CCDC85A: variants seen among roughly 807,000 people sequenced by gnomAD.
CCDC85A encodes coiled-coil domain containing 85A, also known as coiled-coil domain-containing protein 85A.
Under a neutral mutation model 50.2 loss-of-function variants are expected in CCDC85A, and 38 were observed. That is an observed-to-expected ratio of 0.76 (90% CI 0.58 to 0.99). The LOEUF (loss-of-function observed/expected upper bound fraction) is 0.99, where lower values mean the gene tolerates loss of function less well. Among genes scored for constraint, CCDC85A ranks in the 50% least tolerant of loss-of-function variants. CCDC85A has a pLI of 0.00. For synonymous variants in CCDC85A, 366 were observed against 301.4 expected, an observed-to-expected ratio of 1.21 and a Z score of -2.22; for missense variants, 820 against 742.0, an observed-to-expected ratio of 1.11 and a Z score of -1.22.
intron 5 of CCDC85A, chr2:56,383,441 T>C (rs1676685665): frequency 4.8e-6 from 1 of 206,586 alleles, no homozygotes; most frequent in Non-Finnish European, 8.5e-6. Context: ...TCAATGTTAG[T>C]GTATTGATGT....
intron 2 of CCDC85A, among the ~76,000 whole-genome samples, chr2:56,314,523 C>G (rs534063800): frequency 3.3e-5 from 5 of 152,210 alleles, no homozygotes; most frequent in South Asian, 2.1e-4. Context: ...GTTCCCCCAT[C>G]ATTGCCAAGA....
At chr2:56,355,546 T>G (rs1675181514) in intron 3 of CCDC85A, among the ~76,000 whole-genome samples, 1 of 152,216 alleles carries the variant, frequency 6.6e-6, no homozygotes, top group Non-Finnish European at 1.5e-5. Context: ...GAATTTTTTT[T>G]CTCTTTACGA....
intron 3 of CCDC85A, among the ~76,000 whole-genome samples, chr2:56,358,728 A>G (rs918400989): frequency 1.3e-5 from 2 of 152,042 alleles, no homozygotes; most frequent in African/African-American, 4.8e-5. Flanking sequence ...CCTGCTTTAC[A>G]CTAAAATAAT....
At position 56,297,388 on chromosome 2, in the gene CCDC85A, C is replaced by T. The variant is rs190458929; in HGVS notation, c.1241-45491C>T. 6.9e-4 allele frequency among the ~76,000 whole-genome samples: 97 copies of T among 139,720 alleles called. No individual in the cohort carries two copies. The East Asian group carries it at 0.017, about 24-fold the overall frequency. The allele number at this position is 139,720 out of a possible 152,430, so 91.7% of individuals were successfully genotyped here. A position where few individuals can be genotyped will look rare whatever the true frequency, so the allele number is the denominator to read the frequency against. ...GGATCTTTGGATACTAGTCTTTGTA[C>T]GAGCCTTTTTTTTTTTTTTTAATTG... On this transcript the variant is annotated intron_variant, in intron 2 of 5. Coordinates refer to ENST00000407595, the MANE Select transcript of CCDC85A (RefSeq NM_001080433.2).
chr2:56,285,101 C>CT (rs1296011376), intron 2 of CCDC85A, among the ~76,000 whole-genome samples: 103 of 144,970 alleles, frequency 7.1e-4, no homozygotes, highest in South Asian at 3.3e-3. Flanking sequence ...TCTTTTCTTT[C>CT]TTTTTTTTTT....
chr2:56,234,989 T>G (rs898605736), intron 2 of CCDC85A, among the ~76,000 whole-genome samples: 3 of 152,204 alleles, frequency 2.0e-5, no homozygotes, highest in African/African-American at 4.8e-5. Flanking sequence ...AAAAACAGTT[T>G]ACTAAAATCA....
chr2:56,302,241 G>A (rs887905397), intron 2 of CCDC85A, among the ~76,000 whole-genome samples: 1 of 152,142 alleles, frequency 6.6e-6, no homozygotes, highest in Admixed American at 6.6e-5. Context: ...AGATGACAGA[G>A]TGAGACTCCA....
Position 56,305,967 on chromosome 2 carries a change from C to T in CCDC85A, c.1241-36912C>T, listed in dbSNP as rs114393405. Among the ~76,000 whole-genome samples the T allele has an allele frequency of 2.5e-3, 380 of 152,260 alleles. 1 individual carries two copies. The highest frequency in any genetic ancestry group is 4.1e-3 in the Non-Finnish European group (277 of 68,012). On this transcript the variant is annotated intron_variant, in intron 2 of 5. Coordinates refer to ENST00000407595, the MANE Select transcript of CCDC85A (RefSeq NM_001080433.2). ...TAAATTCACTCCAAGAAGTGATTCT[C>T]TTGTCTCTTGCTCTCTTCCTTCTTT...
At chr2:56,358,969 T>TGTA (rs11430925) in intron 3 of CCDC85A, among the ~76,000 whole-genome samples, 88,721 of 145,906 alleles carry the variant, frequency 0.61, 28,266 homozygotes, top group East Asian at 0.82. Flanking sequence ...GTATTTTTTT[T>TGTA]TTTTTTTTTT....
At chr2:56,246,434 A>C (rs904465556) in intron 2 of CCDC85A, among the ~76,000 whole-genome samples, 9 of 151,976 alleles carry the variant, frequency 5.9e-5, no homozygotes, top group South Asian at 2.1e-4. Context: ...TAAAAAAAAA[A>C]CCCCACATAA....
intron 2 of CCDC85A, among the ~76,000 whole-genome samples, chr2:56,234,265 T>C (rs1295133111): frequency 1.3e-5 from 2 of 152,168 alleles, no homozygotes; most frequent in Admixed American, 6.5e-5. Context: ...GATCATGCCA[T>C]GTATCATGGG....
intron 3 of CCDC85A, among the ~76,000 whole-genome samples, chr2:56,345,874 G>T (rs1291605064): frequency 6.6e-6 from 1 of 152,182 alleles, no homozygotes; most frequent in Non-Finnish European, 1.5e-5. Flanking sequence ...TGACATCCTA[G>T]CCTAAGTTAA....
chr2:56,242,557 C>A (rs1355947529), intron 2 of CCDC85A, among the ~76,000 whole-genome samples: 2 of 152,118 alleles, frequency 1.3e-5, no homozygotes, highest in African/African-American at 4.8e-5. Context: ...ATGGCCTAAG[C>A]AATTCATGAG....
At chr2:56,305,262 T>C (rs1672391644) in intron 2 of CCDC85A, among the ~76,000 whole-genome samples, 2 of 152,342 alleles carry the variant, frequency 1.3e-5, no homozygotes, top group Middle Eastern at 3.4e-3. Context: ...GGCTAGTGTT[T>C]ACTGAACAGT....
At position 56,192,485 on chromosome 2, in the gene CCDC85A, C is replaced by T. The variant is rs1408372970; in HGVS notation, c.285C>T (p.Asn95=). Reference sequence around the variant, plus strand: ...TGTGTCTCTCTTTTCAGGATATCAACCAGAAACTCCAGGAAGACAACCAGG... The same window carrying T: ...TGTGTCTCTCTTTTCAGGATATCAATCAGAAACTCCAGGAAGACAACCAGG... The part of the protein sequence containing the change: ...LGEIRGLKDI[N]QKLQEDNQEL... Residue 95 remains asparagine, a synonymous_variant, in exon 2 of 6, where the codon AAC becomes AAT. Coordinates refer to ENST00000407595, the MANE Select transcript of CCDC85A (RefSeq NM_001080433.2). This position sits in a 1 kb window ranked among gnomAD's most constrained non-coding sequence, Gnocchi z 4.7. 1.2e-6 allele frequency: 2 copies of T among 1,609,150 alleles called. No individual in the cohort carries two copies. Among genetic ancestry groups the T allele is most frequent in the Non-Finnish European group, 1.7e-6 (2 of 1,177,604 alleles).
chr2:56,217,457 T>C (rs1668119387), intron 2 of CCDC85A, among the ~76,000 whole-genome samples: 1 of 151,940 alleles, frequency 6.6e-6, no homozygotes, highest in Non-Finnish European at 1.5e-5. Flanking sequence ...TTTTTATTGG[T>C]TTTGAAGGAG....
At chr2:56,273,668 A>G (rs2104072157) in intron 2 of CCDC85A, among the ~76,000 whole-genome samples, 1 of 148,962 alleles carries the variant, frequency 6.7e-6, no homozygotes, top group African/African-American at 2.5e-5. Context: ...CCAAGAAAAA[A>G]GGAGAACATG....
At chr2:56,371,362 C>T (rs1329088899) in intron 3 of CCDC85A, among the ~76,000 whole-genome samples, 2 of 152,014 alleles carry the variant, frequency 1.3e-5, no homozygotes, top group Non-Finnish European at 2.9e-5. Flanking sequence ...TGGACCAGTA[C>T]TATTCAGATA....
chr2:56,286,242 G>T (rs901683981), intron 2 of CCDC85A, among the ~76,000 whole-genome samples: 2 of 151,902 alleles, frequency 1.3e-5, no homozygotes, highest in Non-Finnish European at 2.9e-5. Context: ...AGCTTTTTTG[G>T]ATCTATAGGT....
Sources: allele counts gnomAD v4.1 joint callset (sites outside exome capture counted in the v4.1 genomes callset), GRCh38; gene constraint gnomAD v4.1.1; non-coding constraint Gnocchi (gnomAD v3.1); transcripts MANE v1.5; gene names NCBI Gene and HGNC (gene_info 2026-07-23, HGNC 2026-07-21).